Variants in AKAP13 observed in about 807,000 individuals in gnomAD.
AKAP13 encodes the protein A-kinase anchor protein 13.
In AKAP13, 80 loss-of-function variants were observed where a neutral mutation model predicts 264.5. The observed-to-expected ratio is 0.30, with a 90% CI of 0.25 to 0.36. AKAP13 has a LOEUF of 0.36. Among genes scored for constraint, AKAP13 ranks in the 10% least tolerant of loss-of-function variants. The probability of loss-of-function intolerance (pLI) is 1.00; values close to 1 mark genes in which losing one functional copy is unlikely to be tolerated. For synonymous variants in AKAP13, 1,380 were observed against 1,250.2 expected, an observed-to-expected ratio of 1.10 and a Z score of -2.19; for missense variants, 3,712 against 3,435.2, an observed-to-expected ratio of 1.08 and a Z score of -2.01.
At chr15:85,393,433 A>G (rs2070962053) in intron 1 of AKAP13, among the ~76,000 whole-genome samples, 1 of 152,256 alleles carries the variant, frequency 6.6e-6, no homozygotes, top group African/African-American at 2.4e-5. Context: ...GTCAGTGGGC[A>G]GTAATAGCCA....
chr15:85,569,451 C>CTTTT (rs71468120), intron 5 of AKAP13, among the ~76,000 whole-genome samples: 8 of 121,820 alleles, frequency 6.6e-5, no homozygotes, highest in South Asian at 2.9e-4. Context: ...TTTTTCTTTT[C>CTTTT]TTTTTTTTTT....
intron 34 of AKAP13, 130 bp from the exon 35 acceptor site, chr15:85,740,916 C>A: frequency 7.0e-7 from 1 of 1,429,348 alleles, no homozygotes; most frequent in Non-Finnish European, 9.3e-7. Flanking sequence ...ATGAGACGGG[C>A]TTGAAAAATG....
At chr15:85,642,550 G>A (rs1394696376) in intron 9 of AKAP13, among the ~76,000 whole-genome samples, 1 of 152,198 alleles carries the variant, frequency 6.6e-6, no homozygotes, top group Admixed American at 6.5e-5. Flanking sequence ...ACCTCCCCCC[G>A]CCCCATGGCG....
intron 5 of AKAP13, among the ~76,000 whole-genome samples, chr15:85,572,425 G>A (rs1394585443): frequency 1.3e-5 from 2 of 152,100 alleles, no homozygotes; most frequent in Non-Finnish European, 2.9e-5. Flanking sequence ...TTGAACTGTC[G>A]AGAGTATTTT....
intron 8 of AKAP13, among the ~76,000 whole-genome samples, chr15:85,603,977 T>G (rs1029636363): frequency 2.6e-5 from 4 of 152,194 alleles, no homozygotes; most frequent in Non-Finnish European, 5.9e-5. Flanking sequence ...CAGTGACTTG[T>G]CACATTTCTC....
At chr15:85,562,691 CTTTTTTTTTTT>C (rs10598092) in intron 5 of AKAP13, among the ~76,000 whole-genome samples, 24 of 100,516 alleles carry the variant, frequency 2.4e-4, no homozygotes, top group African/African-American at 9.4e-4. Context: ...CTTTTCTTTT[CTTTTTTTTTTT>C]TTTTTTTTTT....
rs1381538569 is a variant in AKAP13 at position 85,693,519 on chromosome 15, T to C, written c.5464+68T>C. 5 of 1,581,234 alleles carry C rather than the reference T, an allele frequency of 3.2e-6. No homozygotes were observed. The East Asian group carries it at 1.1e-4, about 36-fold the overall frequency. ...GGCTCAAGAAAGCTCATTTCTTGTT[T>C]CCTGTCCCCACTCATTATCTGTTCC... On this transcript the variant is annotated intron_variant, in intron 17 of 36. Coordinates refer to ENST00000394518, the MANE Select transcript of AKAP13 (RefSeq NM_007200.5).
At position 85,722,339 on chromosome 15, in the gene AKAP13, G is replaced by T. The variant is rs761596872; in HGVS notation, c.6488G>T (p.Cys2163Phe). Reference protein sequence around the residue: ...YPVLFQRILQCTKDNEVEQED... With the variant: ...YPVLFQRILQFTKDNEVEQED... ...GTTTTATTCCAAAGAATATTGCAGT[G>T]TACCAAAGGTAAGTCTCCTTTCTAA... The change falls in exon 25 of 37, where the codon TGT becomes TTT. Residue 2163 changes from cysteine to phenylalanine, a missense_variant. Cys to Phe is a radical substitution (Grantham distance 205). Coordinates refer to ENST00000394518, the MANE Select transcript of AKAP13 (RefSeq NM_007200.5). The T allele has an allele frequency of 6.2e-7, 1 of 1,607,892 alleles. No individual in the cohort carries two copies. The highest frequency in any genetic ancestry group is 2.2e-5 in the East Asian group (1 of 44,818).
intron 16 of AKAP13, among the ~76,000 whole-genome samples, chr15:85,687,302 A>G (rs1293967537): frequency 1.3e-5 from 2 of 152,222 alleles, no homozygotes; most frequent in Non-Finnish European, 2.9e-5. Flanking sequence ...AAATGTTACT[A>G]TACAGCGTAA....
chr15:85,442,421 A>AC (rs370698661), intron 1 of AKAP13, among the ~76,000 whole-genome samples: 1,506 of 114,760 alleles, frequency 0.013, 56 homozygotes, highest in African/African-American at 0.044. Context: ...AAAAAAAAAA[A>AC]AAATATATAT....
intron 1 of AKAP13, 98 bp from the exon 2 acceptor site, chr15:85,485,612 C>G (rs2075514528): frequency 1.0e-6 from 1 of 1,001,678 alleles, no homozygotes; most frequent in Non-Finnish European, 1.6e-6. Context: ...CGGGATTGTA[C>G]TCACAGAGCT....
intron 8 of AKAP13, among the ~76,000 whole-genome samples, chr15:85,613,983 A>G (rs986439351): frequency 2.6e-5 from 4 of 152,140 alleles, no homozygotes; most frequent in Non-Finnish European, 5.9e-5. Flanking sequence ...ATTATAGTTT[A>G]AAGGAGACCT....
chr15:85,419,760 T>A (rs2150894982), intron 1 of AKAP13, among the ~76,000 whole-genome samples: 1 of 152,242 alleles, frequency 6.6e-6, no homozygotes, highest in South Asian at 2.1e-4. Context: ...ATGTATGTAA[T>A]CTATTCTGTT....
chr15:85,516,020 C>T (rs1894425437), intron 2 of AKAP13, among the ~76,000 whole-genome samples: 2 of 152,056 alleles, frequency 1.3e-5, no homozygotes, highest in Admixed American at 1.3e-4. Flanking sequence ...TGTTAAAAAT[C>T]AGAAAACTCA....
intron 17 of AKAP13, among the ~76,000 whole-genome samples, chr15:85,695,220 C>T (rs776867682): frequency 6.6e-6 from 1 of 152,236 alleles, no homozygotes; most frequent in Non-Finnish European, 1.5e-5. Context: ...GCCTGGCCAA[C>T]ATGGCGAAAC....
intron 1 of AKAP13, among the ~76,000 whole-genome samples, chr15:85,388,903 A>C (rs550156579): frequency 9.2e-5 from 14 of 152,316 alleles, no homozygotes; most frequent in Admixed American, 2.0e-4. Context: ...CCATTGCTTT[A>C]AAGAGTATCA....
At chr15:85,686,240 G>C (rs142899518) in intron 16 of AKAP13, among the ~76,000 whole-genome samples, 12 of 151,556 alleles carry the variant, frequency 7.9e-5, no homozygotes, top group African/African-American at 2.9e-4. Context: ...ATATACACAC[G>C]TAGATACATG....
At chr15:85,454,907 C>T (rs552034386) in intron 1 of AKAP13, among the ~76,000 whole-genome samples, 41 of 152,316 alleles carry the variant, frequency 2.7e-4, no homozygotes, top group Admixed American at 2.0e-3. Context: ...TCTCCTTTCT[C>T]GATCTGTCGT....
chr15:85,405,074 A>G (rs1250439702), intron 1 of AKAP13, among the ~76,000 whole-genome samples: 2 of 152,018 alleles, frequency 1.3e-5, no homozygotes, highest in African/African-American at 4.8e-5. Flanking sequence ...TTAAAGATCC[A>G]TTGTGAAGTT....
Sources: gnomAD v4.1 joint callset for allele counts (sites outside exome capture counted in the v4.1 genomes callset) on GRCh38, gnomAD v4.1.1 for gene constraint, MANE v1.5 for transcripts, NCBI Gene and HGNC (gene_info 2026-07-23, HGNC 2026-07-21) for gene names.